NARS2: variants seen among roughly 807,000 people sequenced by gnomAD.
The protein encoded by NARS2 is asparaginyl-tRNA synthetase.
In NARS2, 60 loss-of-function variants were observed where a neutral mutation model predicts 62.9. The ratio of observed to expected loss-of-function variants is 0.95; its 90% confidence interval spans 0.77 to 1.18. The LOEUF is 1.18. Among genes scored for constraint, NARS2 ranks in the 50% most tolerant of loss-of-function variants. The pLI, the probability that NARS2 is intolerant of heterozygous loss-of-function variation, is 0.00. For synonymous variants in NARS2, 196 were observed against 200.0 expected, an observed-to-expected ratio of 0.98 and a Z score of 0.17; for missense variants, 619 against 576.4, an observed-to-expected ratio of 1.07 and a Z score of -0.76.
chr11:78,553,048 T>A (rs921070292), intron 5 of NARS2, among the ~76,000 whole-genome samples: 1 of 152,198 alleles, frequency 6.6e-6, no homozygotes, highest in Non-Finnish European at 1.5e-5. Flanking sequence ...CTTTCCACAA[T>A]GGTTGAGCTA....
intron 6 of NARS2, among the ~76,000 whole-genome samples, chr11:78,512,409 C>G (rs933110194): frequency 1.3e-5 from 2 of 152,194 alleles, no homozygotes; most frequent in Non-Finnish European, 2.9e-5. Flanking sequence ...CCAAGGTTCT[C>G]CAGGACCCAG....
intron 6 of NARS2, among the ~76,000 whole-genome samples, chr11:78,528,560 T>G (rs1245626593): frequency 6.6e-6 from 1 of 152,244 alleles, no homozygotes; most frequent in Non-Finnish European, 1.5e-5. Flanking sequence ...TTGCCTTTAC[T>G]TCCATAAATA....
intron 7 of NARS2, among the ~76,000 whole-genome samples, chr11:78,481,255 G>A (rs1859343360): frequency 6.6e-6 from 1 of 152,178 alleles, no homozygotes; most frequent in South Asian, 2.1e-4. Context: ...GAGGGTGAGA[G>A]GGGTATAGGG....
At chr11:78,538,668 T>C (rs367619689) in intron 5 of NARS2, among the ~76,000 whole-genome samples, 2 of 152,178 alleles carry the variant, frequency 1.3e-5, no homozygotes, top group East Asian at 3.9e-4. Context: ...GGCAGGTGAC[T>C]GTAGCTTGAG....
chr11:78,573,372 C>T (rs1856998012), intron 1 of NARS2: 2 of 152,128 alleles, frequency 1.3e-5, no homozygotes, highest in African/African-American at 2.4e-5. Flanking sequence ...CTCATCTTCA[C>T]AAAAAACTTA....
At chr11:78,456,545 A>G (rs543849273) in intron 11 of NARS2, among the ~76,000 whole-genome samples, 1 of 152,256 alleles carries the variant, frequency 6.6e-6, no homozygotes, top group South Asian at 2.1e-4. Context: ...CAGCTCTGGG[A>G]AATTTATTGC....
chr11:78,502,763 C>T (rs531984322), intron 6 of NARS2, among the ~76,000 whole-genome samples: 2 of 152,156 alleles, frequency 1.3e-5, no homozygotes, highest in African/African-American at 2.4e-5. Context: ...GGCCAAGGCA[C>T]GTGAATCAGC....
At chr11:78,473,019 A>T (rs1858939326) in intron 9 of NARS2, among the ~76,000 whole-genome samples, 1 of 152,198 alleles carries the variant, frequency 6.6e-6, no homozygotes, top group South Asian at 2.1e-4. Flanking sequence ...AGTCTAAAGC[A>T]GCCGGGTGTG....
chr11:78,570,263 C>T (rs901325973), intron 2 of NARS2, among the ~76,000 whole-genome samples: 4 of 152,114 alleles, frequency 2.6e-5, no homozygotes, highest in Non-Finnish European at 5.9e-5. Context: ...AGTCTCTGAT[C>T]CATGAACCTA....
rs1857968107 is a variant in NARS2 at position 78,451,410 on chromosome 11, A to C, written c.1165-7652T>G. Among the ~76,000 whole-genome samples, 4 of 152,238 alleles carry C rather than the reference A, an allele frequency of 2.6e-5. No individual in the cohort carries two copies. The South Asian group carries it at 8.3e-4, about 32-fold the overall frequency. Reference sequence around the variant, plus strand: ...AAAAGGTACATAAAGATATAATACAAACACACAGGCAATTACACAAATTTC... The same window carrying C: ...AAAAGGTACATAAAGATATAATACACACACACAGGCAATTACACAAATTTC... On this transcript the variant is annotated intron_variant, in intron 11 of 13. Transcript: ENST00000281038.
intron 6 of NARS2, among the ~76,000 whole-genome samples, chr11:78,504,372 G>C (rs1008044487): frequency 6.7e-6 from 1 of 150,334 alleles, no homozygotes; most frequent in Non-Finnish European, 1.5e-5. Flanking sequence ...CAACTGTAAA[G>C]ATCTATGTGA....
At chr11:78,571,928 T>C (rs1416774243) in intron 1 of NARS2, among the ~76,000 whole-genome samples, 2 of 152,144 alleles carry the variant, frequency 1.3e-5, no homozygotes, top group Non-Finnish European at 2.9e-5. Context: ...GGCACAGAAA[T>C]CTCAGCACTT....
At chr11:78,465,810 A>C in intron 11 of NARS2, 66 bp downstream of exon 11, 1 of 1,514,520 alleles carries the variant, frequency 6.6e-7, no homozygotes, top group South Asian at 1.1e-5. Context: ...AGAAAAGATC[A>C]CAAAGGCTAA....
chr11:78,522,816 T>C (rs1175341046), intron 6 of NARS2, among the ~76,000 whole-genome samples: 1 of 152,302 alleles, frequency 6.6e-6, no homozygotes, highest in East Asian at 1.9e-4. Context: ...TTAGAGCCTA[T>C]TAAAGATGTA....
intron 5 of NARS2, among the ~76,000 whole-genome samples, chr11:78,548,038 A>G (rs969552294): frequency 6.6e-6 from 1 of 152,130 alleles, no homozygotes; most frequent in Non-Finnish European, 1.5e-5. Context: ...TAGGCAACAT[A>G]ATGACCTTGT....
intron 6 of NARS2, among the ~76,000 whole-genome samples, chr11:78,513,806 T>A (rs1365236209): frequency 1.3e-5 from 2 of 152,138 alleles, no homozygotes; most frequent in Non-Finnish European, 2.9e-5. Context: ...CAATCTCATG[T>A]TGAGTTGTAA....
At chr11:78,571,531 C>T in intron 1 of NARS2, 87 bp from the exon 2 acceptor site, 1 of 829,064 alleles carries the variant, frequency 1.2e-6, no homozygotes, top group Non-Finnish European at 2.0e-6. Context: ...GAAAGTAAAA[C>T]ATGTACTCAC....
At chr11:78,448,878 T>C (rs1187382680) in intron 11 of NARS2, among the ~76,000 whole-genome samples, 1 of 152,202 alleles carries the variant, frequency 6.6e-6, no homozygotes, top group African/African-American at 2.4e-5. Flanking sequence ...AAAAGTCCTC[T>C]GGGTATCTTT....
At chr11:78,518,027 T>C (rs1416864836) in intron 6 of NARS2, among the ~76,000 whole-genome samples, 1 of 152,224 alleles carries the variant, frequency 6.6e-6, no homozygotes, top group Admixed American at 6.5e-5. Context: ...TTAACTCCCA[T>C]TGTGGGCTCA....
Sources: gnomAD v4.1 joint callset for allele counts (sites outside exome capture counted in the v4.1 genomes callset) on GRCh38, gnomAD v4.1.1 for gene constraint, MANE v1.5 for transcripts, NCBI Gene and HGNC (gene_info 2026-07-23, HGNC 2026-07-21) for gene names.